Variants in PPP2R5E observed in about 807,000 individuals in gnomAD.
The protein encoded by PPP2R5E is protein phosphatase 2 regulatory subunit B'epsilon.
PPP2R5E carries 4 observed loss-of-function variants against 65.3 expected under a neutral mutation model. The ratio of observed to expected loss-of-function variants is 0.06; its 90% CI spans 0.03 to 0.14. PPP2R5E has a LOEUF of 0.14. PPP2R5E is among the 10% of genes least tolerant of loss of function. The probability of loss-of-function intolerance (pLI) is 1.00; values close to 1 mark genes in which losing one functional copy is unlikely to be tolerated. For missense variants in PPP2R5E, 274 were observed against 556.1 expected (o/e 0.49, Z 5.10); for synonymous variants, 183 against 187.4 (o/e 0.98, Z 0.19).
intron 2 of PPP2R5E, among the ~76,000 whole-genome samples, chr14:63,516,673 A>C (rs1892683942): frequency 6.6e-6 from 1 of 152,212 alleles, no homozygotes; most frequent in Non-Finnish European, 1.5e-5. Flanking sequence ...CACAGGCAAG[A>C]TACCAAGATC....
chr14:63,401,227 A>AG (rs773097469), intron 5 of PPP2R5E, among the ~76,000 whole-genome samples: 7 of 152,004 alleles, frequency 4.6e-5, no homozygotes, highest in East Asian at 1.9e-4. Flanking sequence ...GGCCAAAACA[A>AG]GGGGGGGTAG....
chr14:63,422,554 G>A (rs371607224), intron 3 of PPP2R5E, among the ~76,000 whole-genome samples: 20 of 152,006 alleles, frequency 1.3e-4, no homozygotes, highest in African/African-American at 4.6e-4. Context: ...GTGAAACCCC[G>A]TCGCTACTAA....
At chr14:63,483,084 T>G (rs1890793429) in intron 2 of PPP2R5E, among the ~76,000 whole-genome samples, 1 of 152,074 alleles carries the variant, frequency 6.6e-6, no homozygotes, top group Non-Finnish European at 1.5e-5. Context: ...GCAGGCAGAT[T>G]GCTTGAGCCC....
chr14:63,489,622 C>A (rs937591849), intron 2 of PPP2R5E, among the ~76,000 whole-genome samples: 3 of 151,986 alleles, frequency 2.0e-5, no homozygotes, highest in African/African-American at 7.2e-5. Context: ...ATTGCCCAGG[C>A]TGGTCTTGAA....
chr14:63,384,778 C>T (rs886105179), intron 11 of PPP2R5E, among the ~76,000 whole-genome samples: 3 of 152,052 alleles, frequency 2.0e-5, no homozygotes, highest in African/African-American at 7.2e-5. Context: ...TCTCTGCAAC[C>T]TCCGCCTCTC....
At chr14:63,512,835 TTC>T (rs1440727816) in intron 2 of PPP2R5E, among the ~76,000 whole-genome samples, 2 of 152,144 alleles carry the variant, frequency 1.3e-5, no homozygotes, top group Non-Finnish European at 2.9e-5. Flanking sequence ...CCTATAAATG[TTC>T]TGTCACAAGC....
intron 2 of PPP2R5E, among the ~76,000 whole-genome samples, chr14:63,472,918 G>T (rs373537327): frequency 6.6e-6 from 1 of 152,176 alleles, no homozygotes; most frequent in Non-Finnish European, 1.5e-5. Flanking sequence ...GTGTTTTAGC[G>T]GGGGCTGAAG....
intron 2 of PPP2R5E, among the ~76,000 whole-genome samples, chr14:63,478,901 T>C (rs1890550900): frequency 6.6e-6 from 1 of 152,078 alleles, no homozygotes; most frequent in Admixed American, 6.5e-5. Context: ...GGCAGGCAGA[T>C]CACTTGAGGC....
intron 2 of PPP2R5E, among the ~76,000 whole-genome samples, chr14:63,512,079 A>T (rs8009880): frequency 0.048 from 2,039 of 42,384 alleles, 109 homozygotes; most frequent in African/African-American, 0.15. Context: ...ACTCTGCGGT[A>T]AAAAAAAAAA....
rs865796497 is a variant in PPP2R5E, at chr14:63,523,544, C to T, written c.157+15985G>A. Among the ~76,000 whole-genome samples, 423 of 151,496 alleles carry T rather than the reference C, an allele frequency of 2.8e-3. 1 individual carries two copies. Among genetic ancestry groups the T allele is most frequent in the Non-Finnish European group, 4.4e-3 (301 of 67,888 alleles). On this transcript the variant is annotated intron_variant, in intron 2 of 13. Coordinates refer to ENST00000337537, the MANE Select transcript of PPP2R5E (RefSeq NM_006246.5). ...TTAAGAGTCATCACCACTCCCTAAT[C>T]TCAAGTACCCAGGGACACAAACACT...
chr14:63,381,991 G>C, intron 13 of PPP2R5E, 65 bp downstream of exon 13: 1 of 1,344,592 alleles, frequency 7.4e-7, no homozygotes, highest in Non-Finnish European at 1.0e-6. Context: ...GGCAACTTCA[G>C]CAAAGAGCAA....
At chr14:63,409,866 C>G (rs190912912) in intron 5 of PPP2R5E, among the ~76,000 whole-genome samples, 80 of 152,338 alleles carry the variant, frequency 5.3e-4, no homozygotes, top group Middle Eastern at 3.4e-3. Context: ...AACAGGTATA[C>G]AAACTTGCTG....
chr14:63,414,577 A>C (rs1886587737), intron 5 of PPP2R5E, among the ~76,000 whole-genome samples: 1 of 152,214 alleles, frequency 6.6e-6, no homozygotes, highest in Non-Finnish European at 1.5e-5. Flanking sequence ...TATAACATGC[A>C]CAATGAGGAG....
chr14:63,455,101 C>T (rs1032524635), intron 2 of PPP2R5E, among the ~76,000 whole-genome samples: 1 of 152,186 alleles, frequency 6.6e-6, no homozygotes, highest in Admixed American at 6.5e-5. Flanking sequence ...TTTACAATGG[C>T]CTCCTGGCTT....
intron 2 of PPP2R5E, among the ~76,000 whole-genome samples, chr14:63,462,639 T>C (rs180737127): frequency 1.3e-5 from 2 of 152,298 alleles, no homozygotes; most frequent in East Asian, 3.9e-4. Context: ...ATTCTACATA[T>C]TTGCATCTTA....
Position 63,403,795 on chromosome 14 carries a change from G to GA in PPP2R5E, c.550-7080dup, listed in dbSNP as rs561489540. On this transcript the variant is annotated intron_variant, in intron 5 of 13. Transcript: ENST00000337537. ...CACCTATTTTCCAGGGTTAAAAAAA[G>GA]AAAAAAAAAAGCTCTACAAGAAAAC... Among the ~76,000 whole-genome samples, 181 of 145,590 alleles carry GA rather than the reference G, an allele frequency of 1.2e-3. 1 individual carries two copies. The highest frequency in any genetic ancestry group is 2.5e-3 in the African/African-American group (99 of 39,742).
chr14:63,405,301 T>G (rs1594837213), intron 5 of PPP2R5E, among the ~76,000 whole-genome samples: 1 of 152,194 alleles, frequency 6.6e-6, no homozygotes, highest in East Asian at 1.9e-4. Context: ...GGAAAATAGT[T>G]CTTTGTATTG....
At chr14:63,508,310 T>C (rs555168570) in intron 2 of PPP2R5E, 1 of 692,382 alleles carries the variant, frequency 1.4e-6, no homozygotes, top group Non-Finnish European at 1.8e-6. Context: ...CCTGTCACTC[T>C]TTGTTCTGTC....
chr14:63,497,408 C>A (rs1466898478), intron 2 of PPP2R5E, among the ~76,000 whole-genome samples: 1 of 152,076 alleles, frequency 6.6e-6, no homozygotes, highest in Non-Finnish European at 1.5e-5. Context: ...CACACCTCTT[C>A]CATCTCCAAA....
Sources: gnomAD v4.1 joint callset for allele counts (sites outside exome capture counted in the v4.1 genomes callset) on GRCh38, gnomAD v4.1.1 for gene constraint, MANE v1.5 for transcripts, NCBI Gene and HGNC (gene_info 2026-07-23, HGNC 2026-07-21) for gene names.